The following ANO1 variants were observed in gnomAD, a reference collection of about 807,000 sequenced individuals.
ANO1 encodes the protein anoctamin 1.
Under a neutral mutation model 124.0 loss-of-function variants are expected in ANO1, and 59 were observed. That is an observed-to-expected ratio of 0.48 (90% confidence interval 0.39 to 0.59). The LOEUF (loss-of-function observed/expected upper bound fraction) is 0.59. Among genes scored for constraint, ANO1 ranks in the 20% least tolerant of loss-of-function variants. ANO1 has a pLI of 0.00. For missense variants in ANO1, 1,059 were observed against 1,328.0 expected (o/e 0.80, Z 3.15); for synonymous variants, 529 against 532.0 (o/e 0.99, Z 0.08).
At chr11:70,151,481 T>A (rs1382647600) in intron 12 of ANO1, among the ~76,000 whole-genome samples, 2 of 152,118 alleles carry the variant, frequency 1.3e-5, no homozygotes. Flanking sequence ...GCAGTCACCA[T>A]CTTGTTCAGA....
chr11:70,163,432 T>G, intron 19 of ANO1, 92 bp downstream of exon 19: 1 of 1,463,710 alleles, frequency 6.8e-7, no homozygotes, highest in Non-Finnish European at 9.5e-7. Flanking sequence ...CTGCAGCACA[T>G]TTGTTCAGCA....
intron 1 of ANO1, among the ~76,000 whole-genome samples, chr11:70,048,660 G>T (rs7952519): frequency 0.69 from 86,238 of 125,382 alleles, 28,044 homozygotes; most frequent in East Asian, 0.91. Flanking sequence ...CACACTTCCC[G>T]CCCTCCTCCC....
intron 1 of ANO1, among the ~76,000 whole-genome samples, chr11:70,071,207 G>A (rs573139818): frequency 1.4e-3 from 213 of 152,316 alleles, no homozygotes; most frequent in African/African-American, 4.9e-3. Flanking sequence ...TTGGCCTTTA[G>A]GCAAAGGTGG....
intron 8 of ANO1, among the ~76,000 whole-genome samples, chr11:70,123,420 C>A (rs556999637): frequency 2.0e-5 from 3 of 152,212 alleles, no homozygotes; most frequent in African/African-American, 7.2e-5. Context: ...CTCAGGCACG[C>A]GAGGCTATGT....
intron 1 of ANO1, among the ~76,000 whole-genome samples, chr11:70,068,421 C>T (rs1038214689): frequency 8.5e-5 from 13 of 152,182 alleles, no homozygotes; most frequent in Admixed American, 5.9e-4. Context: ...TGCCAGGCTC[C>T]GCTGGGTCCT....
intron 1 of ANO1, among the ~76,000 whole-genome samples, chr11:70,070,536 A>G (rs967668966): frequency 6.6e-6 from 1 of 152,118 alleles, no homozygotes; most frequent in African/African-American, 2.4e-5. Flanking sequence ...TATAAAAGTT[A>G]GTCATGACGG....
At chr11:70,163,794 C>T (rs1253662092) in intron 19 of ANO1, among the ~76,000 whole-genome samples, 3 of 151,922 alleles carry the variant, frequency 2.0e-5, no homozygotes, top group Admixed American at 1.3e-4. Flanking sequence ...AAAAATTAGC[C>T]GGGTGTGGTG....
intron 11 of ANO1, among the ~76,000 whole-genome samples, chr11:70,148,201 C>A (rs576389223): frequency 2.8e-4 from 43 of 152,246 alleles, no homozygotes; most frequent in African/African-American, 1.0e-3. Context: ...CGTCGCACAG[C>A]CCATTTTATT....
the ANO1 span, among the ~76,000 whole-genome samples, chr11:69,967,423 C>T: frequency 6.6e-5 from 10 of 152,224 alleles, no homozygotes; most frequent in Admixed American, 4.6e-4. Context: ...GAGGTTGGTC[C>T]GATGCTGGTG....
At chr11:70,065,815 G>T (rs936256106) in intron 1 of ANO1, among the ~76,000 whole-genome samples, 13 of 152,164 alleles carry the variant, frequency 8.5e-5, no homozygotes, top group Non-Finnish European at 1.0e-4. Context: ...CCCCAGTCTT[G>T]TCAGGGCTGG....
At chr11:70,180,335 C>T (rs1257063403) in intron 23 of ANO1, among the ~76,000 whole-genome samples, 2 of 152,032 alleles carry the variant, frequency 1.3e-5, no homozygotes, top group South Asian at 2.1e-4. Flanking sequence ...TACAGTGGCA[C>T]GATCTCAGCT....
intron 18 of ANO1, among the ~76,000 whole-genome samples, chr11:70,161,977 G>A (rs533078040): frequency 6.7e-6 from 1 of 149,228 alleles, no homozygotes; most frequent in African/African-American, 2.5e-5. Context: ...GTGAGGACCG[G>A]GGAGTGAGGA....
intron 1 of ANO1, among the ~76,000 whole-genome samples, chr11:70,073,227 C>T (rs939914335): frequency 1.1e-4 from 16 of 151,684 alleles, no homozygotes; most frequent in Non-Finnish European, 1.9e-4. Context: ...CTGTCCCCCT[C>T]GGCAGGGTTT....
chr11:70,055,849 T>C (rs1210938474), intron 1 of ANO1, among the ~76,000 whole-genome samples: 1 of 152,180 alleles, frequency 6.6e-6, no homozygotes, highest in Admixed American at 6.5e-5. Context: ...TTCAATTGGT[T>C]GCACTAGAAT....
intron 1 of ANO1, among the ~76,000 whole-genome samples, chr11:70,048,323 T>A (rs2135074066): frequency 6.6e-6 from 1 of 152,350 alleles, no homozygotes; most frequent in African/African-American, 2.4e-5. Context: ...ATGTTTTAGC[T>A]TCTTTTAAGG....
Position 70,036,660 on chromosome 11 carries a change from T to C in ANO1, c.59-41882T>C, listed in dbSNP as rs574176780. On this transcript the variant is annotated intron_variant, in intron 1 of 27. Coordinates refer to the ANO1 transcript ENST00000531349. ...TCTCGCTTTGTCGCCCAGGCTGGAG[T>C]GCAGTAGCACGATCTCGGCTCACTG... Among the ~76,000 whole-genome samples, 22 of 152,286 alleles carry C rather than the reference T, an allele frequency of 1.4e-4. No homozygotes were observed. The East Asian group carries it at 3.5e-3, about 24-fold the overall frequency.
At chr11:70,033,567 T>C (rs1197828132) in intron 1 of ANO1, among the ~76,000 whole-genome samples, 1 of 152,150 alleles carries the variant, frequency 6.6e-6, no homozygotes, top group African/African-American at 2.4e-5. Context: ...CTCTTCTCCC[T>C]GTGGCCTTAT....
Position 70,104,163 on chromosome 11 carries a change from C to T in ANO1, c.692+13C>T. 1.9e-6 allele frequency: 3 copies of T among 1,606,868 alleles called. No homozygotes were observed. The highest frequency in any genetic ancestry group is 2.6e-6 in the Non-Finnish European group (3 of 1,175,898). ...AGAAGCAGCATCTGTAAGTGGGGAC[C>T]CCCAGCCTGCTCCCCAAAGGGTCCT... On this transcript the variant is annotated intron_variant, in intron 4 of 25. Transcript: ENST00000355303.
At chr11:69,991,322 G>A (rs528034554) in intron 1 of ANO1, among the ~76,000 whole-genome samples, 1 of 152,212 alleles carries the variant, frequency 6.6e-6, no homozygotes, top group Non-Finnish European at 1.5e-5. Context: ...AGCACTTGGT[G>A]TATTTGAACT....
Sources: gnomAD v4.1 joint callset for allele counts (sites outside exome capture counted in the v4.1 genomes callset) on GRCh38, gnomAD v4.1.1 for gene constraint, MANE v1.5 for transcripts, NCBI Gene and HGNC (gene_info 2026-07-23, HGNC 2026-07-21) for gene names.